The following ALG9 variants were observed in gnomAD, a reference collection of about 807,000 sequenced individuals.
ALG9 encodes the protein alpha-1,2-mannosyltransferase ALG9.
A neutral mutation model predicts 81.8 loss-of-function variants in ALG9; 55 were observed. The observed-to-expected ratio is 0.67, with a 90% confidence interval of 0.54 to 0.84. The LOEUF (loss-of-function observed/expected upper bound fraction) is 0.84. ALG9 is among the 40% of genes least tolerant of loss of function. The pLI, the probability that ALG9 is intolerant of heterozygous loss-of-function variation, is 0.00. For synonymous variants in ALG9, 278 were observed against 274.3 expected, an observed-to-expected ratio of 1.01 and a Z score of -0.13; for missense variants, 629 against 745.0, an observed-to-expected ratio of 0.84 and a Z score of 1.81.
At chr11:111,798,776 G>A (rs1948668728) in intron 14 of ALG9, among the ~76,000 whole-genome samples, 1 of 152,142 alleles carries the variant, frequency 6.6e-6, no homozygotes. Flanking sequence ...TGCAGTTCTG[G>A]TACTAGTTGT....
chr11:111,842,260 TTTCTC>T (rs1956329255), intron 9 of ALG9, among the ~76,000 whole-genome samples: 1 of 152,136 alleles, frequency 6.6e-6, no homozygotes, highest in African/African-American at 2.4e-5. Context: ...AAACAGTCCT[TTTCTC>T]TTCTGTACCT....
At chr11:111,813,269 C>A in intron 13 of ALG9, among the ~76,000 whole-genome samples, 1 of 152,170 alleles carries the variant, frequency 6.6e-6, no homozygotes, top group East Asian at 1.9e-4. Flanking sequence ...AATGACGATA[C>A]ATTTGACTAT....
intron 13 of ALG9, among the ~76,000 whole-genome samples, chr11:111,823,977 C>G (rs1952835663): frequency 6.6e-6 from 1 of 152,128 alleles, no homozygotes; most frequent in African/African-American, 2.4e-5. Flanking sequence ...GGGTGAACAC[C>G]CAGGATGGTG....
intron 14 of ALG9, chr11:111,805,161 A>G: frequency 2.4e-6 from 1 of 422,938 alleles, no homozygotes; most frequent in Admixed American, 2.7e-5. Flanking sequence ...GCACTCAACA[A>G]TGGGATTAAT....
At chr11:111,775,497 C>T in the ALG9 span, among the ~76,000 whole-genome samples, 3 of 152,144 alleles carry the variant, frequency 2.0e-5, no homozygotes, top group East Asian at 5.8e-4. Flanking sequence ...CCCCAGTGTT[C>T]TAGAAAAGCC....
At chr11:111,775,700 C>A in the ALG9 span, among the ~76,000 whole-genome samples, 1 of 152,046 alleles carries the variant, frequency 6.6e-6, no homozygotes, top group Non-Finnish European at 1.5e-5. Context: ...CATAGTGAGA[C>A]CCCATCTCTA....
chr11:111,848,598 A>G (rs912628760), intron 8 of ALG9, among the ~76,000 whole-genome samples: 1 of 151,894 alleles, frequency 6.6e-6, no homozygotes, highest in Non-Finnish European at 1.5e-5. Context: ...CTCAAAAAAA[A>G]AAAAAAAAAA....
intron 13 of ALG9, among the ~76,000 whole-genome samples, chr11:111,818,154 G>C (rs1257558070): frequency 6.6e-6 from 1 of 152,200 alleles, no homozygotes; most frequent in African/African-American, 2.4e-5. Flanking sequence ...TAAAGAATAG[G>C]TTTGGGTGAC....
intron 8 of ALG9, among the ~76,000 whole-genome samples, chr11:111,851,503 A>G (rs1381510662): frequency 3.3e-5 from 5 of 151,166 alleles, no homozygotes; most frequent in Non-Finnish European, 5.9e-5. Context: ...AAAGAGAGAG[A>G]GAGATTCATC....
chr11:111,808,935 T>G (rs1950303490), intron 14 of ALG9, among the ~76,000 whole-genome samples: 1 of 152,174 alleles, frequency 6.6e-6, no homozygotes, highest in Non-Finnish European at 1.5e-5. Flanking sequence ...GTCTCTCTAT[T>G]TAAGACTGAA....
At chr11:111,829,139 C>G (rs932190147) in intron 13 of ALG9, 2 of 152,166 alleles carry the variant, frequency 1.3e-5, no homozygotes, top group Admixed American at 1.3e-4. Context: ...ACCACATCAT[C>G]TACAATTCAA....
chr11:111,826,479 G>A (rs1359071388), intron 13 of ALG9, among the ~76,000 whole-genome samples: 3 of 151,466 alleles, frequency 2.0e-5, no homozygotes, highest in African/African-American at 7.3e-5. Flanking sequence ...CAACTTCCCA[G>A]AGACAACCAC....
intron 13 of ALG9, among the ~76,000 whole-genome samples, chr11:111,811,569 A>C (rs1950721133): frequency 6.6e-6 from 1 of 151,506 alleles, no homozygotes; most frequent in Non-Finnish European, 1.5e-5. Context: ...AAAGGATAGA[A>C]TTTTATTGAC....
intron 13 of ALG9, among the ~76,000 whole-genome samples, chr11:111,823,964 T>C (rs1019182073): frequency 6.6e-6 from 1 of 152,190 alleles, no homozygotes; most frequent in Non-Finnish European, 1.5e-5. Flanking sequence ...AATCAGTACA[T>C]AAGGGTGAAC....
Position 111,840,728 on chromosome 11 carries a change from T to A in ALG9, c.1100A>T (p.Lys367Ile), listed in dbSNP as rs1171784502. ...WFIIFFIQPH[K>I]EERFLFPVYP... ...CACAGGGAAAAGAAATCTCTCCTCT[T>A]TGTGAGGCTGGATGAAGAAAATTAT... Residue 367 changes from lysine (K) to isoleucine (I), a missense_variant, in exon 10 of 15, where the codon AAA (lysine) becomes ATA (isoleucine). Lys to Ile is a moderately radical substitution (Grantham distance 102). Around this residue, in one of 3 missense-constraint regions of ALG9, gnomAD observed 264 missense variants for 302.2 expected, o/e 0.87. Coordinates refer to ENST00000616540, the MANE Select transcript of ALG9 (RefSeq NM_024740.2). The A allele has an allele frequency of 6.2e-7, 1 of 1,613,738 alleles. No individual in the cohort carries two copies. The highest frequency in any genetic ancestry group is 8.5e-7 in the Non-Finnish European group (1 of 1,179,936).
chr11:111,846,449 T>C (rs1012808591), intron 8 of ALG9, among the ~76,000 whole-genome samples: 4 of 152,260 alleles, frequency 2.6e-5, no homozygotes, highest in Non-Finnish European at 4.4e-5. Flanking sequence ...AAAATATTTG[T>C]CTCTAACACA....
rs1207768003 is a variant in ALG9 at position 111,830,299 on chromosome 11, C to T, written c.1602+5866G>A. 2.6e-5 allele frequency among the ~76,000 whole-genome samples: 4 copies of T among 152,096 alleles called. No individual in the cohort carries two copies. The South Asian group carries it at 8.3e-4, about 32-fold the overall frequency. ...TTCATTTCCTCTTTTAGATATGCTC[C>T]AGTTAAATTTTAAAAAGTAGTTGTC... On this transcript the variant is annotated intron_variant, in intron 13 of 14. Coordinates refer to ENST00000616540, the MANE Select transcript of ALG9 (RefSeq NM_024740.2).
intron 14 of ALG9, among the ~76,000 whole-genome samples, chr11:111,787,248 T>C (rs1555065761): frequency 6.6e-6 from 1 of 151,708 alleles, no homozygotes; most frequent in Non-Finnish European, 1.5e-5. Flanking sequence ...CAGACCAACA[T>C]GGTGAAACTC....
the ALG9 span, chr11:111,769,387 G>C: frequency 6.5e-6 from 1 of 152,682 alleles, no homozygotes; most frequent in Non-Finnish European, 1.4e-5. Context: ...GGGAGGCCGA[G>C]ATAGGAGGAT....
Sources: allele counts gnomAD v4.1 joint callset (sites outside exome capture counted in the v4.1 genomes callset), GRCh38; gene constraint gnomAD v4.1.1; regional missense constraint gnomAD v4.1.1; transcripts MANE v1.5; gene names NCBI Gene and HGNC (gene_info 2026-07-23, HGNC 2026-07-21).